Variants in GRK5 observed in about 807,000 individuals in gnomAD.
GRK5 encodes g protein-coupled receptor kinase GRK5.
A neutral mutation model predicts 78.4 loss-of-function variants in GRK5; 40 were observed. The observed-to-expected ratio is 0.51, with a 90% CI of 0.40 to 0.66. The LOEUF (loss-of-function observed/expected upper bound fraction) is 0.66. Ranked by LOEUF, GRK5 falls within the 30% of genes least tolerant of loss-of-function variation. GRK5 has a pLI of 0.00. For synonymous variants in GRK5, 289 were observed against 296.8 expected (o/e 0.97, Z 0.27); for missense variants, 598 against 759.9 (o/e 0.79, Z 2.50).
chr10:119,286,946 CAGG>C (rs1274812015), intron 1 of GRK5, among the ~76,000 whole-genome samples: 1 of 152,146 alleles, frequency 6.6e-6, no homozygotes, highest in East Asian at 1.9e-4. Flanking sequence ...ATGTAAGGTC[CAGG>C]AGATGTCCTG....
At position 119,267,846 on chromosome 10, in the gene GRK5, C is replaced by T. The variant is rs1849526456; in HGVS notation, c.53-58670C>T. ...AAGATGGGTCCTCTCCACCCCAGCT[C>T]CTCCACACTCCCCACCCCCCACAGC... On this transcript the variant is annotated intron_variant, in intron 1 of 15. Transcript: ENST00000392870. The surrounding 1 kb of genome is among the most constrained non-coding windows in gnomAD (Gnocchi z 4.1). 6.6e-6 allele frequency among the ~76,000 whole-genome samples: 1 copy of T among 152,146 alleles called. No individual in the cohort carries two copies. The highest frequency in any genetic ancestry group is 2.4e-5 in the African/African-American group (1 of 41,426).
rs553687683 is a variant in GRK5 at position 119,416,872 on chromosome 10, G to T, written c.340-6294G>T. ...GCCTGCCGAAGTGCTAGGATTACAG[G>T]CGTGAGCCACCGCACCTGGCTGAAT... On this transcript the variant is annotated intron_variant, in intron 4 of 15. Coordinates refer to ENST00000392870, the MANE Select transcript of GRK5 (RefSeq NM_005308.3). Among the ~76,000 whole-genome samples, 63 of 152,342 alleles carry T rather than the reference G, an allele frequency of 4.1e-4. 1 individual carries two copies. Among genetic ancestry groups the T allele is most frequent in the South Asian group, 2.3e-3 (11 of 4,826 alleles).
chr10:119,341,490 G>A (rs1288532261), intron 2 of GRK5, among the ~76,000 whole-genome samples: 1 of 152,116 alleles, frequency 6.6e-6, no homozygotes, highest in South Asian at 2.1e-4. Context: ...ACCCTGCTTG[G>A]TAATCAACTC....
intron 1 of GRK5, among the ~76,000 whole-genome samples, chr10:119,229,967 G>T (rs1364221957): frequency 6.6e-6 from 1 of 152,242 alleles, no homozygotes; most frequent in Admixed American, 6.5e-5. Flanking sequence ...AGCCTGTGCT[G>T]TGGGGAGAAT....
intron 1 of GRK5, among the ~76,000 whole-genome samples, chr10:119,269,430 G>T (rs1291846235): frequency 6.6e-6 from 1 of 152,138 alleles, no homozygotes; most frequent in East Asian, 1.9e-4. Flanking sequence ...GCACCCGTGT[G>T]GTTAGCCCTG....
chr10:119,218,955 T>A (rs1276172831), intron 1 of GRK5, among the ~76,000 whole-genome samples: 1 of 148,348 alleles, frequency 6.7e-6, no homozygotes, highest in Non-Finnish European at 1.5e-5. Context: ...CAGAGTGCAG[T>A]GGCACGATCT....
chr10:119,261,142 G>C (rs529604574), intron 1 of GRK5, among the ~76,000 whole-genome samples: 2 of 150,194 alleles, frequency 1.3e-5, no homozygotes, highest in Non-Finnish European at 3.0e-5. Flanking sequence ...CTTTTCAGAC[G>C]GGGCGGCTGC....
intron 1 of GRK5, among the ~76,000 whole-genome samples, chr10:119,321,774 G>T (rs1205738193): frequency 6.6e-6 from 1 of 152,154 alleles, no homozygotes; most frequent in Non-Finnish European, 1.5e-5. Flanking sequence ...GAGGAAATAG[G>T]GTTGAGGAGG....
intron 1 of GRK5, among the ~76,000 whole-genome samples, chr10:119,298,266 C>G (rs1850116134): frequency 6.6e-6 from 1 of 152,138 alleles, no homozygotes; most frequent in African/African-American, 2.4e-5. Context: ...TTCCAAGTGC[C>G]TAATAAGGCA....
At chr10:119,433,209 G>A (rs1036948743) in intron 8 of GRK5, among the ~76,000 whole-genome samples, 1 of 152,192 alleles carries the variant, frequency 6.6e-6, no homozygotes, top group Non-Finnish European at 1.5e-5. Flanking sequence ...GCAGTGCCAT[G>A]GTATGTGGAG....
chr10:119,222,413 G>A (rs1848668939), intron 1 of GRK5, among the ~76,000 whole-genome samples: 1 of 152,012 alleles, frequency 6.6e-6, no homozygotes, highest in South Asian at 2.1e-4. Context: ...GTCCTCCTGA[G>A]GTCATTTGCC....
intron 1 of GRK5, among the ~76,000 whole-genome samples, chr10:119,216,010 C>T (rs924285948): frequency 6.6e-6 from 1 of 152,166 alleles, no homozygotes; most frequent in Non-Finnish European, 1.5e-5. Flanking sequence ...ACTCACTGTT[C>T]TTGTATCCAC....
rs763787676 is a variant in GRK5, at chr10:119,430,410, G to A, written c.569G>A (p.Arg190Gln). The A allele has an allele frequency of 1.9e-6, 3 of 1,613,058 alleles. No homozygotes were observed. The highest frequency in any genetic ancestry group is 2.5e-6 in the Non-Finnish European group (3 of 1,179,654). Residue 190 changes from arginine to glutamine, a missense_variant, in exon 7 of 16, where the codon CGA becomes CAA. Coordinates refer to ENST00000392870, the MANE Select transcript of GRK5 (RefSeq NM_005308.3). The surrounding 1 kb of genome is among the most constrained non-coding windows in gnomAD (Gnocchi z 4.5). ...ACCAAAAACACTTTCAGGCAGTATC[G>A]AGTGCTAGGAAAAGGGGGCTTCGGG... The part of the protein sequence containing the change: ...PVTKNTFRQY[R>Q]VLGKGGFGEV...
intron 1 of GRK5, among the ~76,000 whole-genome samples, chr10:119,295,485 A>G (rs1273602517): frequency 6.6e-6 from 1 of 152,206 alleles, no homozygotes; most frequent in African/African-American, 2.4e-5. Flanking sequence ...CCAGAGGAAA[A>G]TAAGTCATTA....
chr10:119,243,003 G>T lies in GRK5; in HGVS notation c.52+35034G>T, dbSNP rs189248802. The stretch of plus-strand genomic sequence containing the variant: ...CCTATAATCCCAGCACTTTGGGAGG[G>T]TGAGGTAGGCGGATCACCTAAGGTC... On this transcript the variant is annotated intron_variant, in intron 1 of 15. Coordinates refer to ENST00000392870, the MANE Select transcript of GRK5 (RefSeq NM_005308.3). 5.3e-4 allele frequency among the ~76,000 whole-genome samples: 80 copies of T among 152,272 alleles called. 1 individual carries two copies. The highest frequency in any genetic ancestry group is 3.4e-3 in the Middle Eastern group (1 of 294).
intron 1 of GRK5, among the ~76,000 whole-genome samples, chr10:119,273,018 T>C (rs916150813): frequency 6.6e-6 from 1 of 152,198 alleles, no homozygotes; most frequent in African/African-American, 2.4e-5. Context: ...CCAGTCCTTC[T>C]AGGATTCTTT....
At chr10:119,401,039 A>G (rs1409026933) in intron 4 of GRK5, among the ~76,000 whole-genome samples, 1 of 152,158 alleles carries the variant, frequency 6.6e-6, no homozygotes, top group Non-Finnish European at 1.5e-5. Flanking sequence ...CCGCCCCAGC[A>G]TGACGCTGGA....
Position 119,430,095 on chromosome 10 carries a change from A to G in GRK5, c.534-280A>G, listed in dbSNP as rs1852784525. ...GGAGAGTGTGGTCAAGCACCTCTGC[A>G]CTCAGGTTTTTCAAGCTTTCTGAGC... is the stretch of plus-strand genomic sequence containing the variant. On this transcript the variant is annotated intron_variant, in intron 6 of 15. Transcript: ENST00000392870. The surrounding 1 kb of genome is among the most constrained non-coding windows in gnomAD (Gnocchi z 4.5). 6.6e-6 allele frequency among the ~76,000 whole-genome samples: 1 copy of G among 152,100 alleles called. No individual in the cohort carries two copies. The highest frequency in any genetic ancestry group is 6.5e-5 in the Admixed American group (1 of 15,276).
chr10:119,227,720 A>G (rs1848763635), intron 1 of GRK5, among the ~76,000 whole-genome samples: 1 of 152,206 alleles, frequency 6.6e-6, no homozygotes, highest in Non-Finnish European at 1.5e-5. Flanking sequence ...TACACATGAA[A>G]AGATGCTCGA....
Sources: gnomAD v4.1 joint callset for allele counts (sites outside exome capture counted in the v4.1 genomes callset) on GRCh38, gnomAD v4.1.1 for gene constraint, Gnocchi (gnomAD v3.1) non-coding constraint, MANE v1.5 for transcripts, NCBI Gene and HGNC (gene_info 2026-07-23, HGNC 2026-07-21) for gene names.